ZNF532: variants seen among roughly 807,000 people sequenced by gnomAD.
ZNF532 encodes the protein zinc finger protein 532.
A neutral mutation model predicts 89.3 loss-of-function variants in ZNF532; 22 were observed. The ratio of observed to expected loss-of-function variants is 0.25; its 90% CI spans 0.18 to 0.35. The LOEUF is 0.35. ZNF532 is among the 10% of genes least tolerant of loss of function. The pLI is 1.00. For synonymous variants in ZNF532, 606 were observed against 649.6 expected, an observed-to-expected ratio of 0.93 and a Z score of 1.02; for missense variants, 1,132 against 1,643.4, an observed-to-expected ratio of 0.69 and a Z score of 5.38.
rs949881408 is a variant in ZNF532 at position 58,880,778 on chromosome 18, G to A, written c.-18+15199G>A. Among the ~76,000 whole-genome samples the A allele has an allele frequency of 7.9e-5, 12 of 151,790 alleles. No homozygotes were observed. In the South Asian group the frequency reaches 8.3e-4, roughly 11 times the overall value. On this transcript the variant is annotated intron_variant, in intron 2 of 9. Coordinates refer to ENST00000591808, the MANE Select transcript of ZNF532 (RefSeq NM_001375912.1). ...CGCGCGCGCACGCGCGCGCGTCTGT[G>A]TGTGTGTGTGTATGTTTGGGGCCCC...
rs527525810 is a variant in ZNF532 at position 58,986,445 on chromosome 18, T to C, written c.*1979T>C. The C allele has an allele frequency of 1.3e-5, 2 of 152,782 alleles. No individual in the cohort carries two copies. The highest frequency in any genetic ancestry group is 2.4e-5 in the African/African-American group (1 of 41,596). The allele number at this position is 152,782 out of a possible 1,614,324, so 9.5% of individuals were successfully genotyped here. A position where few individuals can be genotyped will look rare whatever the true frequency, so the allele number is the denominator to read the frequency against. On this transcript the variant is annotated 3_prime_UTR_variant, in exon 10 of 10. Coordinates refer to ENST00000591808, the MANE Select transcript of ZNF532 (RefSeq NM_001375912.1). ...TTATGTACATATTGACAAATATTCATTTATTCAACAAATAAAAAGTATGTA... is the reference window on the plus strand; with the variant it reads ...TTATGTACATATTGACAAATATTCACTTATTCAACAAATAAAAAGTATGTA...
chr18:58,885,449 T>C (rs2058233345), intron 2 of ZNF532, among the ~76,000 whole-genome samples: 1 of 152,232 alleles, frequency 6.6e-6, no homozygotes, highest in Admixed American at 6.5e-5. Flanking sequence ...CTTCAAAGTT[T>C]GTAGGAAATT....
At chr18:58,975,009 T>C (rs1377522979) in intron 7 of ZNF532, among the ~76,000 whole-genome samples, 1 of 152,218 alleles carries the variant, frequency 6.6e-6, no homozygotes, top group East Asian at 1.9e-4. Flanking sequence ...CAGTGATTTT[T>C]AGGAGCACCG....
At chr18:58,950,834 A>G (rs1246892230) in intron 6 of ZNF532, among the ~76,000 whole-genome samples, 3 of 152,202 alleles carry the variant, frequency 2.0e-5, no homozygotes, top group Non-Finnish European at 4.4e-5. Context: ...TGAATGAGGC[A>G]TGTCTTGCCA....
intron 7 of ZNF532, among the ~76,000 whole-genome samples, chr18:58,963,898 G>GGT (rs1172282603): frequency 6.6e-6 from 1 of 151,894 alleles, no homozygotes; most frequent in Non-Finnish European, 1.5e-5. Flanking sequence ...TGAAATGTGT[G>GGT]GTAGGGCATA....
At chr18:58,938,857 C>G (rs2062700242) in intron 4 of ZNF532, among the ~76,000 whole-genome samples, 1 of 152,182 alleles carries the variant, frequency 6.6e-6, no homozygotes, top group South Asian at 2.1e-4. Context: ...AAACAGTGGT[C>G]TGGAGATTTG....
chr18:58,941,747 C>T (rs2063052932), intron 5 of ZNF532, among the ~76,000 whole-genome samples: 2 of 152,154 alleles, frequency 1.3e-5, no homozygotes, highest in East Asian at 1.9e-4. Flanking sequence ...CGAGCCACTG[C>T]ACCCAGCCCC....
chr18:58,917,423 G>A (rs1291576287), intron 2 of ZNF532, among the ~76,000 whole-genome samples: 1 of 152,226 alleles, frequency 6.6e-6, no homozygotes, highest in Non-Finnish European at 1.5e-5. Context: ...AGAGTCTCAG[G>A]ATGGAAGGCT....
At position 58,865,902 on chromosome 18, in the gene ZNF532, T is replaced by C. The variant is rs975141926; in HGVS notation, c.-18+323T>C. 3.9e-5 allele frequency among the ~76,000 whole-genome samples: 6 copies of C among 152,178 alleles called. No homozygotes were observed. In the East Asian group the frequency reaches 5.8e-4, roughly 15 times the overall value. On this transcript the variant is annotated intron_variant, in intron 2 of 9. Transcript: ENST00000591808. ...TTGCATAAGACGAAAGCAGTACACA[T>C]GTGGCATTTTCCCGATGATTATAAG...
At chr18:58,983,037 G>A (rs368293404) in intron 9 of ZNF532, among the ~76,000 whole-genome samples, 3 of 152,174 alleles carry the variant, frequency 2.0e-5, no homozygotes. Context: ...GCTTGAACCC[G>A]GGAGGCCGAG....
At chr18:58,867,084 T>G (rs2056535707) in intron 2 of ZNF532, among the ~76,000 whole-genome samples, 1 of 152,286 alleles carries the variant, frequency 6.6e-6, no homozygotes, top group Non-Finnish European at 1.5e-5. Flanking sequence ...AAAACTCAGA[T>G]GGCTAATATG....
intron 2 of ZNF532, among the ~76,000 whole-genome samples, chr18:58,891,940 A>G (rs978918953): frequency 3.3e-5 from 5 of 152,238 alleles, no homozygotes; most frequent in Non-Finnish European, 1.5e-5. Context: ...TCCTTTAGGA[A>G]AATGAAAGTA....
intron 2 of ZNF532, among the ~76,000 whole-genome samples, chr18:58,899,562 G>A (rs1050913228): frequency 6.6e-6 from 1 of 152,028 alleles, no homozygotes; most frequent in African/African-American, 2.4e-5. Flanking sequence ...TCTGCCTCCC[G>A]GGTTCAAGCG....
intron 3 of ZNF532, among the ~76,000 whole-genome samples, chr18:58,922,172 G>GCTC (rs1252424489): frequency 6.6e-6 from 1 of 151,698 alleles, no homozygotes; most frequent in Non-Finnish European, 1.5e-5. Context: ...AATATACTCT[G>GCTC]CTCCTCAAAC....
chr18:58,971,285 AAAG>A (rs1189538374), intron 7 of ZNF532, among the ~76,000 whole-genome samples: 1 of 152,324 alleles, frequency 6.6e-6, no homozygotes, highest in East Asian at 1.9e-4. Context: ...ATATGAAAAA[AAAG>A]CATTCTTTTC....
chr18:58,919,644 C>T lies in ZNF532; in HGVS notation c.1357C>T (p.Leu453Phe). The T allele has an allele frequency of 1.2e-6, 2 of 1,614,044 alleles. No homozygotes were observed. The highest frequency in any genetic ancestry group is 1.1e-5 in the South Asian group (1 of 91,050). The change falls in exon 3 of 10, where the codon CTC becomes TTC. Residue 453 changes from leucine (L) to phenylalanine (F), a missense_variant. Around this residue, in one of 9 missense-constraint regions of ZNF532, gnomAD observed 8 missense variants for 41.3 expected, o/e 0.19. Transcript: ENST00000591808. This position sits in a 1 kb window ranked among gnomAD's most constrained non-coding sequence, Gnocchi z 6.1. ...VTIKPVATAF[L>F]PVSAVKTAGS... The stretch of plus-strand genomic sequence containing the variant: ...AATCAAGCCTGTGGCTACTGCTTTC[C>T]TCCCAGTGTCTGCTGTGAAGACGGC...
intron 2 of ZNF532, among the ~76,000 whole-genome samples, chr18:58,881,711 A>G (rs1226591223): frequency 6.6e-6 from 1 of 152,208 alleles, no homozygotes; most frequent in Non-Finnish European, 1.5e-5. Context: ...AGGCTCAGAT[A>G]TCTTTGACGT....
At chr18:58,873,745 T>G (rs1286481827) in intron 2 of ZNF532, among the ~76,000 whole-genome samples, 1 of 152,208 alleles carries the variant, frequency 6.6e-6, no homozygotes, top group Admixed American at 6.5e-5. Flanking sequence ...TTTGCTGATT[T>G]AACCTAGCAA....
Position 58,918,838 on chromosome 18 carries a change from C to T in ZNF532, c.551C>T (p.Ser184Phe), listed in dbSNP as rs1432426147. 6.2e-7 allele frequency: 1 copy of T among 1,614,030 alleles called. No homozygotes were observed. Among genetic ancestry groups the T allele is most frequent in the African/African-American group, 1.3e-5 (1 of 74,918 alleles). The change falls in exon 3 of 10, where the codon TCC (serine) becomes TTC (phenylalanine). Residue 184 changes from serine to phenylalanine, a missense_variant. By Grantham distance (155) the Ser-to-Phe change is radical. Around this residue, in one of 9 missense-constraint regions of ZNF532, gnomAD observed 302 missense variants for 319.8 expected, o/e 0.94. Coordinates refer to ENST00000591808, the MANE Select transcript of ZNF532 (RefSeq NM_001375912.1). The stretch of plus-strand genomic sequence containing the variant: ...CTGAAGGCACTCGGAGGGGAAAACT[C>T]CAGCAAAACTGGACTCTCTACGTCA... ...DKLKALGGENSSKTGLSTSGN... is the reference protein window; with the variant it reads ...DKLKALGGENFSKTGLSTSGN...
Sources: allele counts gnomAD v4.1 joint callset (sites outside exome capture counted in the v4.1 genomes callset), GRCh38; gene constraint gnomAD v4.1.1; regional missense constraint gnomAD v4.1.1; non-coding constraint Gnocchi (gnomAD v3.1); transcripts MANE v1.5; gene names NCBI Gene and HGNC (gene_info 2026-07-23, HGNC 2026-07-21).